SNAP25: variants seen among roughly 807,000 people sequenced by gnomAD.
The protein encoded by SNAP25 is synaptosomal-associated protein 25.
SNAP25 carries 3 observed loss-of-function variants against 28.7 expected under a neutral mutation model. That is an observed-to-expected ratio of 0.10 (90% CI 0.05 to 0.27). The LOEUF is 0.27. Among genes scored for constraint, SNAP25 ranks in the 10% least tolerant of loss-of-function variants. The pLI is 1.00. For missense variants in SNAP25, 117 were observed against 278.7 expected, an observed-to-expected ratio of 0.42 and a Z score of 4.13; for synonymous variants, 61 against 88.1, an observed-to-expected ratio of 0.69 and a Z score of 1.72.
rs183211367 is a variant in SNAP25, at chr20:10,261,880, A to G, written c.-63-13549A>G. Among the ~76,000 whole-genome samples, 46 of 152,334 alleles carry G rather than the reference A, an allele frequency of 3.0e-4. No individual in the cohort carries two copies. In the East Asian group the frequency reaches 8.3e-3, roughly 27 times the overall value. ...CCATAAGTACTTTTTCTAGGAAAAC[A>G]GAAATTATGTTGATCAGCATTATTT... On this transcript the variant is annotated intron_variant, in intron 1 of 7. Coordinates refer to ENST00000254976, the MANE Select transcript of SNAP25 (RefSeq NM_130811.4).
Position 10,232,027 on chromosome 20 carries a change from T to C in SNAP25, c.-64+13050T>C, listed in dbSNP as rs146953251. ...AAGCAAATGTTGAGCAGTCAAGCCATAGGAAAAGCAGAGACGTAGCTGGAA... is the reference window on the plus strand; with the variant it reads ...AAGCAAATGTTGAGCAGTCAAGCCACAGGAAAAGCAGAGACGTAGCTGGAA... On this transcript the variant is annotated intron_variant, in intron 1 of 7. Transcript: ENST00000254976. Among the ~76,000 whole-genome samples, 1,079 of 152,240 alleles carry C rather than the reference T, an allele frequency of 7.1e-3. 12 individuals are homozygous for C. The highest frequency in any genetic ancestry group is 0.024 in the African/African-American group (997 of 41,550).
At chr20:10,239,244 A>G (rs2062980381) in intron 1 of SNAP25, among the ~76,000 whole-genome samples, 1 of 152,242 alleles carries the variant, frequency 6.6e-6, no homozygotes, top group Non-Finnish European at 1.5e-5. Flanking sequence ...GGTTCTTTTG[A>G]ACCACTGAGT....
At chr20:10,284,828 A>T in intron 4 of SNAP25, 56 bp downstream of exon 4, 1 of 1,430,656 alleles carries the variant, frequency 7.0e-7, no homozygotes, top group Admixed American at 1.7e-5. Context: ...TGTGCATTTT[A>T]AAATTATTTG....
At chr20:10,255,161 G>A (rs2063298036) in intron 1 of SNAP25, among the ~76,000 whole-genome samples, 1 of 152,176 alleles carries the variant, frequency 6.6e-6, no homozygotes. Flanking sequence ...GGGTCCAAGT[G>A]GGCCCACGGA....
At chr20:10,278,377 TA>T (rs2063726072) in intron 3 of SNAP25, among the ~76,000 whole-genome samples, 1 of 152,078 alleles carries the variant, frequency 6.6e-6, no homozygotes, top group Non-Finnish European at 1.5e-5. Flanking sequence ...ATGGGGCAAA[TA>T]GCAATAATGG....
chr20:10,243,933 T>C (rs918309439), intron 1 of SNAP25, among the ~76,000 whole-genome samples: 1 of 152,062 alleles, frequency 6.6e-6, no homozygotes, highest in Non-Finnish European at 1.5e-5. Flanking sequence ...CTCTTTGCCT[T>C]AGTTCCCAAT....
At chr20:10,306,062 G>A (rs575285757) in intron 7 of SNAP25, 67 bp from the exon 8 acceptor site, 33 of 1,500,330 alleles carry the variant, frequency 2.2e-5, no homozygotes, top group East Asian at 1.1e-4. Context: ...CATTGGACCC[G>A]GACCCAGAAG....
intron 1 of SNAP25, among the ~76,000 whole-genome samples, chr20:10,239,712 A>G (rs1004541613): frequency 2.6e-5 from 4 of 152,200 alleles, no homozygotes; most frequent in Non-Finnish European, 5.9e-5. Context: ...ATATGCCCAG[A>G]ATATGGAATA....
intron 1 of SNAP25, among the ~76,000 whole-genome samples, chr20:10,265,703 AC>A (rs2063494546): frequency 6.6e-6 from 1 of 152,170 alleles, no homozygotes; most frequent in Non-Finnish European, 1.5e-5. Context: ...AGTCTGTAGG[AC>A]ATGTGAATTG....
intron 2 of SNAP25, among the ~76,000 whole-genome samples, chr20:10,276,102 T>C (rs1346099200): frequency 6.6e-6 from 1 of 152,218 alleles, no homozygotes; most frequent in Non-Finnish European, 1.5e-5. Context: ...GGTATAATAA[T>C]GTGTTACCAT....
At chr20:10,269,934 T>C (rs2063563427) in intron 1 of SNAP25, among the ~76,000 whole-genome samples, 1 of 152,240 alleles carries the variant, frequency 6.6e-6, no homozygotes, top group African/African-American at 2.4e-5. Flanking sequence ...TAATGTAGCC[T>C]GCCCCTTGTT....
chr20:10,278,769 G>T (rs1344255472), intron 3 of SNAP25, among the ~76,000 whole-genome samples: 1 of 151,972 alleles, frequency 6.6e-6, no homozygotes, highest in African/African-American at 2.4e-5. Flanking sequence ...AAAGGCAGCC[G>T]CCTCTCACAC....
chr20:10,241,181 G>A (rs1291035021), intron 1 of SNAP25, among the ~76,000 whole-genome samples: 2 of 141,238 alleles, frequency 1.4e-5, no homozygotes, highest in Admixed American at 6.9e-5. Flanking sequence ...GCAGGAATCA[G>A]TATGGGAGGG....
rs111458567 is a variant in SNAP25, at chr20:10,306,469, G to T, written c.*272G>T. On this transcript the variant is annotated 3_prime_UTR_variant, in exon 8 of 8. Coordinates refer to ENST00000254976, the MANE Select transcript of SNAP25 (RefSeq NM_130811.4). ...GTTTCATTTTTCATTTTCTCTCCTC[G>T]GTGGCATTTGCTGAATAACAACAAT... The T allele has an allele frequency of 3.0e-6, 1 of 332,264 alleles. No homozygotes were observed. Among genetic ancestry groups the T allele is most frequent in the Non-Finnish European group, 5.5e-6 (1 of 181,402 alleles). The allele number at this position is 332,264 out of a possible 1,614,324, so 20.6% of individuals were successfully genotyped here. A position where few individuals can be genotyped will look rare whatever the true frequency, so the allele number is the denominator to read the frequency against.
At chr20:10,294,464 C>G (rs1200017063) in intron 5 of SNAP25, among the ~76,000 whole-genome samples, 1 of 151,786 alleles carries the variant, frequency 6.6e-6, no homozygotes, top group African/African-American at 2.4e-5. Flanking sequence ...CCATTTTTAG[C>G]AAAAAAGAAA....
At chr20:10,285,972 G>A (rs2063869357) in intron 4 of SNAP25, among the ~76,000 whole-genome samples, 2 of 152,242 alleles carry the variant, frequency 1.3e-5, no homozygotes, top group South Asian at 4.1e-4. Context: ...TGATACAAAT[G>A]TCTTAAAGAA....
intron 1 of SNAP25, among the ~76,000 whole-genome samples, chr20:10,257,959 A>G (rs1184364963): frequency 6.6e-6 from 1 of 152,052 alleles, no homozygotes; most frequent in Non-Finnish European, 1.5e-5. Context: ...GGAAAACCTT[A>G]CCTGTTTGTA....
chr20:10,219,735 C>T (rs1305913717), intron 1 of SNAP25: 1 of 152,282 alleles, frequency 6.6e-6, no homozygotes, highest in Admixed American at 6.5e-5. Context: ...AATGCCTGGC[C>T]GGGGCTGGAT....
At chr20:10,265,649 C>A (rs752458293) in intron 1 of SNAP25, among the ~76,000 whole-genome samples, 1 of 152,188 alleles carries the variant, frequency 6.6e-6, no homozygotes, top group African/African-American at 2.4e-5. Flanking sequence ...GAACCCATGG[C>A]CCCGTGGAGC....
Sources: gnomAD v4.1 joint callset for allele counts (sites outside exome capture counted in the v4.1 genomes callset) on GRCh38, gnomAD v4.1.1 for gene constraint, MANE v1.5 for transcripts, NCBI Gene and HGNC (gene_info 2026-07-23, HGNC 2026-07-21) for gene names.